The following ETS1 variants were observed in gnomAD, a reference collection of about 807,000 sequenced individuals.
ETS1 encodes protein C-ets-1.
In ETS1, 15 loss-of-function variants were observed where a neutral mutation model predicts 58.6. The observed-to-expected ratio is 0.26, with a 90% CI of 0.17 to 0.39. The LOEUF (loss-of-function observed/expected upper bound fraction) is 0.39. Ranked by LOEUF, ETS1 falls within the 10% of genes least tolerant of loss-of-function variation. The probability of loss-of-function intolerance (pLI) is 1.00; values close to 1 mark genes in which losing one functional copy is unlikely to be tolerated. For synonymous variants in ETS1, 214 were observed against 218.2 expected (o/e 0.98, Z 0.17); for missense variants, 417 against 610.5 (o/e 0.68, Z 3.34).
chr11:128,537,999 T>C (rs1863995983), intron 3 of ETS1, among the ~76,000 whole-genome samples: 1 of 152,200 alleles, frequency 6.6e-6, no homozygotes, highest in Non-Finnish European at 1.5e-5. Context: ...TTCACAGTAT[T>C]TATTCCCTCA....
intron 8 of ETS1, among the ~76,000 whole-genome samples, chr11:128,467,178 C>G (rs1434574128): frequency 6.6e-6 from 1 of 152,208 alleles, no homozygotes; most frequent in African/African-American, 2.4e-5. Flanking sequence ...CAGTTCCTGG[C>G]TGGGCCCGTG....
At chr11:128,585,071 AGAAAG>A (rs1864970476) in intron 1 of ETS1, among the ~76,000 whole-genome samples, 2 of 26,280 alleles carry the variant, frequency 7.6e-5, no homozygotes, top group African/African-American at 3.9e-4. Flanking sequence ...AAAGAAAGAA[AGAAAG>A]AGAAAGAAAG....
At chr11:128,518,041 T>C (rs554051881) in intron 3 of ETS1, among the ~76,000 whole-genome samples, 1 of 152,298 alleles carries the variant, frequency 6.6e-6, no homozygotes, top group Non-Finnish European at 1.5e-5. Flanking sequence ...CTGCAAATGT[T>C]CCCCTTGCCT....
At chr11:128,541,620 A>C (rs181735355) in intron 3 of ETS1, among the ~76,000 whole-genome samples, 2 of 152,122 alleles carry the variant, frequency 1.3e-5, no homozygotes, top group African/African-American at 4.8e-5. Flanking sequence ...TTTTGTTTTA[A>C]TTTTTGTTAC....
chr11:128,522,543 G>A, intron 3 of ETS1: 1 of 194,772 alleles, frequency 5.1e-6, no homozygotes, highest in Non-Finnish European at 9.3e-6. Context: ...CGAGCGCGGG[G>A]CCGGGCCGCG....
At chr11:128,521,896 C>T (rs749739484) in intron 3 of ETS1, 8 of 1,585,966 alleles carry the variant, frequency 5.0e-6, no homozygotes, top group Non-Finnish European at 6.9e-6. Context: ...GTGGGGGCCT[C>T]GGCCGTCGCC....
chr11:128,507,026 G>A (rs1863257191), intron 3 of ETS1, among the ~76,000 whole-genome samples: 1 of 152,192 alleles, frequency 6.6e-6, no homozygotes, highest in Non-Finnish European at 1.5e-5. Flanking sequence ...GGGGGAGACA[G>A]AGGAAAAGCT....
chr11:128,490,390 G>A (rs1213973490), intron 4 of ETS1, 67 bp downstream of exon 4: 9 of 1,565,836 alleles, frequency 5.7e-6, no homozygotes, highest in Non-Finnish European at 7.9e-6. Context: ...ACACACTCCA[G>A]GTGAGAAAAT....
At chr11:128,493,510 G>A (rs1366201414) in intron 3 of ETS1, among the ~76,000 whole-genome samples, 1 of 152,204 alleles carries the variant, frequency 6.6e-6, no homozygotes, top group African/African-American at 2.4e-5. Flanking sequence ...TGCCCCTCTG[G>A]CTGTGAGACT....
At chr11:128,514,070 G>A (rs1013081325) in intron 3 of ETS1, among the ~76,000 whole-genome samples, 5 of 152,054 alleles carry the variant, frequency 3.3e-5, no homozygotes, top group African/African-American at 9.7e-5. Flanking sequence ...CAAAAAACCC[G>A]TATCTACAAA....
At chr11:128,537,610 G>A (rs1863990801) in intron 3 of ETS1, among the ~76,000 whole-genome samples, 1 of 152,282 alleles carries the variant, frequency 6.6e-6, no homozygotes, top group African/African-American at 2.4e-5. Context: ...ATTCAAAGTC[G>A]GGTGCACACC....
At chr11:128,528,814 G>C (rs1408292497) in intron 3 of ETS1, among the ~76,000 whole-genome samples, 1 of 152,152 alleles carries the variant, frequency 6.6e-6, no homozygotes, top group East Asian at 1.9e-4. Flanking sequence ...TCTTCGTAAA[G>C]TTTTATTCTG....
At chr11:128,577,637 C>T (rs74630084) in intron 1 of ETS1, among the ~76,000 whole-genome samples, 2,768 of 152,248 alleles carry the variant, frequency 0.018, 92 homozygotes, top group African/African-American at 0.06. Flanking sequence ...AAGACTAAGG[C>T]GATGCTGCTA....
At chr11:128,476,530 C>T (rs1862327425) in intron 8 of ETS1, among the ~76,000 whole-genome samples, 1 of 152,234 alleles carries the variant, frequency 6.6e-6, no homozygotes, top group African/African-American at 2.4e-5. Context: ...GCCTCAGTTT[C>T]ATCATCTATG....
intron 8 of ETS1, among the ~76,000 whole-genome samples, chr11:128,477,498 G>A (rs550106708): frequency 1.3e-5 from 2 of 152,164 alleles, no homozygotes; most frequent in Admixed American, 6.5e-5. Flanking sequence ...CATTTCATCC[G>A]CTTCCCTATT....
intron 3 of ETS1, among the ~76,000 whole-genome samples, chr11:128,497,356 C>T (rs1484146910): frequency 6.6e-6 from 1 of 152,212 alleles, no homozygotes; most frequent in Admixed American, 6.5e-5. Context: ...AAGAGATGGT[C>T]TCCTGCAAGG....
At chr11:128,554,399 C>T (rs1283124214) in intron 3 of ETS1, among the ~76,000 whole-genome samples, 1 of 152,132 alleles carries the variant, frequency 6.6e-6, no homozygotes, top group Admixed American at 6.5e-5. Context: ...ACCCCAGCTT[C>T]CTTCTTGCAA....
intron 2 of ETS1, among the ~76,000 whole-genome samples, chr11:128,558,382 C>G (rs1433671140): frequency 6.6e-6 from 1 of 152,210 alleles, no homozygotes; most frequent in Admixed American, 6.5e-5. Flanking sequence ...CGGTGGCTCA[C>G]GCCTGTCATC....
chr11:128,511,404 C>T (rs539557463), intron 3 of ETS1, among the ~76,000 whole-genome samples: 2 of 152,222 alleles, frequency 1.3e-5, no homozygotes, highest in Non-Finnish European at 2.9e-5. Flanking sequence ...GGATCATTCA[C>T]ACTTTTTTTT....
Sources: gnomAD v4.1 joint callset for allele counts (sites outside exome capture counted in the v4.1 genomes callset) on GRCh38, gnomAD v4.1.1 for gene constraint, MANE v1.5 for transcripts, NCBI Gene and HGNC (gene_info 2026-07-23, HGNC 2026-07-21) for gene names.